Variants in DGKB observed in about 807,000 individuals in gnomAD.
The protein encoded by DGKB is diacylglycerol kinase beta, also known as 90 kDa diacylglycerol kinase.
DGKB carries 67 observed loss-of-function variants against 114.3 expected under a neutral mutation model. The observed-to-expected ratio is 0.59, with a 90% CI of 0.48 to 0.72. The LOEUF is 0.72. Among genes scored for constraint, DGKB ranks in the 30% least tolerant of loss-of-function variants. The pLI is 0.00. For missense variants in DGKB, 907 were observed against 975.2 expected (o/e 0.93, Z 0.93); for synonymous variants, 398 against 323.1 (o/e 1.23, Z -2.49).
intron 5 of DGKB, among the ~76,000 whole-genome samples, chr7:14,720,849 T>TA (rs558389660): frequency 0.052 from 6,792 of 130,080 alleles, 192 homozygotes; most frequent in African/African-American, 0.079. Context: ...TCCTGAGCTT[T>TA]AAAAAAAAAA....
chr7:14,613,399 A>G lies in DGKB; in HGVS notation c.1299T>C (p.Pro433=). 6.4e-7 allele frequency: 1 copy of G among 1,562,766 alleles called. No homozygotes were observed. The highest frequency in any genetic ancestry group is 8.7e-7 in the Non-Finnish European group (1 of 1,150,494). ...CAAAAACTAAAAGTGGGTGAGTACC[A>G]GGCACAGGAGTGACCTATAAGAAAA... ...DGQGLQVTPV[P]GTHPLLVFVN... Residue 433 remains proline, a synonymous_variant, in exon 16 of 26, where the codon CCT becomes CCC. Transcript: ENST00000402815.
At chr7:14,879,271 G>A (rs547588300) in intron 1 of DGKB, among the ~76,000 whole-genome samples, 1 of 151,878 alleles carries the variant, frequency 6.6e-6, no homozygotes, top group East Asian at 1.9e-4. Context: ...ATTTGTCTAT[G>A]TTAGGGAGCC....
chr7:14,775,820 T>A lies in DGKB; in HGVS notation c.71-18089A>T, dbSNP rs539003972. On this transcript the variant is annotated intron_variant, in intron 2 of 25. Transcript: ENST00000402815. ...TATGTTTCTATTAGTAGTGTGAGAA[T>A]GGACTAAAACAGTAAATTGGTCATG... 2.0e-5 allele frequency among the ~76,000 whole-genome samples: 3 copies of A among 152,170 alleles called. No individual in the cohort carries two copies. The South Asian group carries it at 6.2e-4, about 32-fold the overall frequency.
intron 1 of DGKB, among the ~76,000 whole-genome samples, chr7:14,962,770 T>C (rs946526460): frequency 9.2e-5 from 14 of 152,078 alleles, no homozygotes; most frequent in Non-Finnish European, 1.8e-4. Flanking sequence ...ATTTTTCCTT[T>C]TCCATTTTAA....
At chr7:14,691,236 G>C (rs1301111971) in intron 9 of DGKB, among the ~76,000 whole-genome samples, 1 of 152,096 alleles carries the variant, frequency 6.6e-6, no homozygotes, top group Non-Finnish European at 1.5e-5. Flanking sequence ...AATTTGACTA[G>C]GACACCACAG....
At chr7:14,725,525 TATA>T (rs1829889018) in intron 5 of DGKB, among the ~76,000 whole-genome samples, 1 of 152,034 alleles carries the variant, frequency 6.6e-6, no homozygotes, top group African/African-American at 2.4e-5. Context: ...GTTCAGAATG[TATA>T]ATATCTTTAA....
At chr7:14,601,969 T>G (rs1169143585) in intron 17 of DGKB, among the ~76,000 whole-genome samples, 1 of 151,332 alleles carries the variant, frequency 6.6e-6, no homozygotes, top group Non-Finnish European at 1.5e-5. Context: ...CTACCTCCTC[T>G]TCCTCCTCCT....
chr7:14,517,204 G>A (rs1048356561), intron 20 of DGKB, among the ~76,000 whole-genome samples: 6 of 151,958 alleles, frequency 3.9e-5, no homozygotes. Context: ...CAAGCGATAG[G>A]GAAAGAATTC....
intron 5 of DGKB, among the ~76,000 whole-genome samples, chr7:14,733,653 A>G (rs908144907): frequency 1.3e-5 from 2 of 152,028 alleles, no homozygotes; most frequent in Admixed American, 1.3e-4. Context: ...ATGCCACTGC[A>G]CTCAAGCCTG....
At chr7:14,627,586 CTGTG>C (rs111786359) in intron 14 of DGKB, among the ~76,000 whole-genome samples, 21 of 149,108 alleles carry the variant, frequency 1.4e-4, no homozygotes, top group East Asian at 1.2e-3. Flanking sequence ...ATGTCTGTGT[CTGTG>C]TGTGTGTGTG....
At chr7:14,942,710 C>G (rs1343822116) in intron 1 of DGKB, among the ~76,000 whole-genome samples, 1 of 152,100 alleles carries the variant, frequency 6.6e-6, no homozygotes, top group East Asian at 1.9e-4. Flanking sequence ...TCCACTTTGT[C>G]TTCTGGAATT....
chr7:14,892,860 A>ATGTGTG (rs374264568), intron 1 of DGKB, among the ~76,000 whole-genome samples: 13 of 64,398 alleles, frequency 2.0e-4, no homozygotes, highest in East Asian at 7.3e-4. Context: ...TACCATATAT[A>ATGTGTG]TATATGTGTG....
chr7:14,395,263 T>C (rs1275796671), intron 21 of DGKB, among the ~76,000 whole-genome samples: 1 of 152,082 alleles, frequency 6.6e-6, no homozygotes, highest in African/African-American at 2.4e-5. Flanking sequence ...ATGAATACAA[T>C]GATGAAATAT....
intron 25 of DGKB, among the ~76,000 whole-genome samples, chr7:14,175,243 T>A (rs896785398): frequency 3.9e-5 from 6 of 152,208 alleles, no homozygotes; most frequent in African/African-American, 1.4e-4. Flanking sequence ...GGTGGTTCCA[T>A]TATTTAGAAT....
chr7:14,516,039 G>A (rs1024893439), intron 20 of DGKB, among the ~76,000 whole-genome samples: 2 of 151,906 alleles, frequency 1.3e-5, no homozygotes, highest in African/African-American at 4.8e-5. Context: ...GGGGGGATGG[G>A]GTTTTGCCAT....
rs141260960 is a variant in DGKB at position 14,557,378 on chromosome 7, TA to T, written c.1770+16833del. 7.1e-3 allele frequency among the ~76,000 whole-genome samples: 1,074 copies of T among 152,274 alleles called. 18 individuals are homozygous for T. The highest frequency in any genetic ancestry group is 0.025 in the African/African-American group (1,022 of 41,558). On this transcript the variant is annotated intron_variant, in intron 20 of 25. Coordinates refer to ENST00000402815, the MANE Select transcript of DGKB (RefSeq NM_001350709.2). ...ATGCTGTGTATTTATTTCTTTCTGTTAAAAAAATATTTGTGCCGGTCTATGT... is the reference window on the plus strand; with the variant it reads ...ATGCTGTGTATTTATTTCTTTCTGTTAAAAAATATTTGTGCCGGTCTATGT...
chr7:14,184,943 C>T (rs943525822), intron 23 of DGKB, among the ~76,000 whole-genome samples: 2 of 152,106 alleles, frequency 1.3e-5, no homozygotes, highest in African/African-American at 2.4e-5. Context: ...AAGTTGAAAG[C>T]ATTCCCTCTG....
intron 23 of DGKB, among the ~76,000 whole-genome samples, chr7:14,278,139 A>G (rs1458435820): frequency 6.6e-6 from 1 of 151,996 alleles, no homozygotes; most frequent in Non-Finnish European, 1.5e-5. Context: ...AACAGAAAAA[A>G]CACTCTTTAA....
chr7:14,840,681 T>G (rs1847802624), intron 2 of DGKB, among the ~76,000 whole-genome samples: 1 of 148,978 alleles, frequency 6.7e-6, no homozygotes, highest in African/African-American at 2.5e-5. Context: ...TATGACTCCC[T>G]GCTTCCTACT....
Sources: gnomAD v4.1 joint callset for allele counts (sites outside exome capture counted in the v4.1 genomes callset) on GRCh38, gnomAD v4.1.1 for gene constraint, MANE v1.5 for transcripts, NCBI Gene and HGNC (gene_info 2026-07-23, HGNC 2026-07-21) for gene names.